The following PDE4D variants were observed in gnomAD, a reference collection of about 807,000 sequenced individuals.
PDE4D encodes the protein 3',5'-cyclic-AMP phosphodiesterase 4D.
In PDE4D, 24 loss-of-function variants were observed where a neutral mutation model predicts 87.4. That is an observed-to-expected ratio of 0.27 (90% CI 0.20 to 0.39). The LOEUF (loss-of-function observed/expected upper bound fraction) is 0.39, where lower values mean the gene tolerates loss of function less well. Ranked by LOEUF, PDE4D falls within the 10% of genes least tolerant of loss-of-function variation. PDE4D has a pLI of 1.00. For synonymous variants in PDE4D, 384 were observed against 383.2 expected, an observed-to-expected ratio of 1.00 and a Z score of -0.02; for missense variants, 714 against 1,041.0, an observed-to-expected ratio of 0.69 and a Z score of 4.32.
At chr5:59,821,213 A>G (rs757858957) in intron 1 of PDE4D, among the ~76,000 whole-genome samples, 16 of 151,630 alleles carry the variant, frequency 1.1e-4, no homozygotes, top group Non-Finnish European at 2.2e-4. Context: ...AGCCTCAGTG[A>G]CAGAGCAAGA....
chr5:59,863,750 A>T (rs74321506), intron 1 of PDE4D, among the ~76,000 whole-genome samples: 3,929 of 152,280 alleles, frequency 0.026, 168 homozygotes, highest in African/African-American at 0.09. Flanking sequence ...TAGTTCCCTA[A>T]GTACCAGATA....
chr5:59,153,355 T>C (rs1779717471), intron 5 of PDE4D, among the ~76,000 whole-genome samples: 1 of 152,198 alleles, frequency 6.6e-6, no homozygotes, highest in African/African-American at 2.4e-5. Flanking sequence ...ATGTAAGTTA[T>C]TTAAAATAAT....
chr5:60,300,329 T>C (rs1315922025), intron 1 of PDE4D, among the ~76,000 whole-genome samples: 1 of 152,222 alleles, frequency 6.6e-6, no homozygotes, highest in African/African-American at 2.4e-5. Flanking sequence ...TTGCAAAAAT[T>C]TTCTCCCATT....
chr5:59,324,344 T>C (rs1042698560), intron 1 of PDE4D, among the ~76,000 whole-genome samples: 46 of 152,116 alleles, frequency 3.0e-4, no homozygotes, highest in Admixed American at 3.9e-4. Flanking sequence ...AATATCCACC[T>C]ACCCTTGCAG....
intron 5 of PDE4D, among the ~76,000 whole-genome samples, chr5:59,082,901 C>T (rs1580706883): frequency 6.6e-6 from 1 of 152,172 alleles, no homozygotes; most frequent in East Asian, 1.9e-4. Flanking sequence ...TCTAGGCCTA[C>T]TACTACACAG....
chr5:59,863,380 AT>A (rs887997409), intron 1 of PDE4D, among the ~76,000 whole-genome samples: 17 of 151,364 alleles, frequency 1.1e-4, no homozygotes, highest in South Asian at 4.2e-4. Flanking sequence ...ATTTCTTACT[AT>A]TTTTTTTTCT....
At chr5:60,315,890 C>T (rs1221860541) in intron 1 of PDE4D, among the ~76,000 whole-genome samples, 1 of 151,978 alleles carries the variant, frequency 6.6e-6, no homozygotes, top group Non-Finnish European at 1.5e-5. Context: ...GTGACTGTAG[C>T]CTTGTAGTAT....
chr5:59,973,773 A>G (rs1761029255), intron 3 of PDE4D, among the ~76,000 whole-genome samples: 1 of 152,164 alleles, frequency 6.6e-6, no homozygotes, highest in South Asian at 2.1e-4. Context: ...GGCACTGTGT[A>G]CATATGATAT....
In PDE4D at chr5:60,356,819, G is replaced by T. The variant is rs1249527789; in HGVS notation, c.-90+131123C>A. 3.9e-5 allele frequency among the ~76,000 whole-genome samples: 6 copies of T among 152,182 alleles called. No individual in the cohort carries two copies. The South Asian group carries it at 1.2e-3, about 32-fold the overall frequency. The stretch of plus-strand genomic sequence containing the variant: ...TGATTAACGGTATATATCACCAGGG[G>T]CCCCATGGCTTGGAAGCACCAGAAG... On this transcript the variant is annotated intron_variant, in intron 1 of 16. Coordinates refer to the PDE4D transcript ENST00000502484.
intron 1 of PDE4D, among the ~76,000 whole-genome samples, chr5:59,395,180 G>C (rs899751316): frequency 1.3e-5 from 2 of 151,932 alleles, no homozygotes; most frequent in African/African-American, 2.4e-5. Flanking sequence ...GTCCAGGCTT[G>C]CTTAGGTAAA....
intron 1 of PDE4D, among the ~76,000 whole-genome samples, chr5:59,859,021 A>T (rs1324059176): frequency 6.6e-6 from 1 of 152,236 alleles, no homozygotes; most frequent in African/African-American, 2.4e-5. Context: ...TGGTAAAGCA[A>T]TAATTCTTGC....
In PDE4D at chr5:60,024,609, T is replaced by C. The variant is rs369195092; in HGVS notation, c.43-35892A>G. Among the ~76,000 whole-genome samples, 9 of 152,258 alleles carry C rather than the reference T, an allele frequency of 5.9e-5. 1 individual carries two copies. The highest frequency in any genetic ancestry group is 1.9e-4 in the African/African-American group (8 of 41,572). ...GGGCATTTGGTGATTTAAGGCATCATGTAACAGTCCCCAAGCACAATTATG... is the reference window on the plus strand; with the variant it reads ...GGGCATTTGGTGATTTAAGGCATCACGTAACAGTCCCCAAGCACAATTATG... On this transcript the variant is annotated intron_variant, in intron 2 of 16. Transcript: ENST00000502484.
chr5:58,989,050 T>C (rs1354681069), intron 10 of PDE4D, among the ~76,000 whole-genome samples: 3 of 152,154 alleles, frequency 2.0e-5, no homozygotes, highest in Non-Finnish European at 2.9e-5. Context: ...CTGTGCATTG[T>C]AGGATTTTTA....
chr5:59,232,827 T>TATAC (rs1755533976), intron 1 of PDE4D, among the ~76,000 whole-genome samples: 1 of 100,010 alleles, frequency 1.0e-5, no homozygotes, highest in Non-Finnish European at 2.1e-5. Flanking sequence ...TATATATATA[T>TATAC]ACACACACAC....
intron 2 of PDE4D, among the ~76,000 whole-genome samples, chr5:60,153,163 C>T (rs1019635707): frequency 2.6e-5 from 4 of 152,012 alleles, no homozygotes; most frequent in African/African-American, 9.7e-5. Flanking sequence ...TATTTGGAAC[C>T]CAAACAACTC....
chr5:59,208,135 C>T (rs1403667004), intron 2 of PDE4D, among the ~76,000 whole-genome samples: 1 of 152,126 alleles, frequency 6.6e-6, no homozygotes, highest in Non-Finnish European at 1.5e-5. Flanking sequence ...CCACTGCACT[C>T]CAACCTGCGC....
chr5:59,224,632 G>C (rs1753337881), intron 1 of PDE4D, among the ~76,000 whole-genome samples: 1 of 152,112 alleles, frequency 6.6e-6, no homozygotes, highest in Non-Finnish European at 1.5e-5. Context: ...ATATGTTGAA[G>C]CCTTAATCAC....
At chr5:59,244,710 GTGTGTGTGTGTGTA>G (rs1210808261) in intron 1 of PDE4D, among the ~76,000 whole-genome samples, 9 of 143,966 alleles carry the variant, frequency 6.3e-5, no homozygotes, top group South Asian at 2.2e-4. Context: ...GTGTGTGTGT[GTGTGTGTGTGTGTA>G]TAGAGAGACC....
chr5:59,273,547 T>C (rs111246252), intron 1 of PDE4D, among the ~76,000 whole-genome samples: 4,780 of 152,132 alleles, frequency 0.031, 270 homozygotes, highest in African/African-American at 0.11. Context: ...TGCAGTGATA[T>C]ACCCAAGCGG....
Sources: gnomAD v4.1 joint callset for allele counts (sites outside exome capture counted in the v4.1 genomes callset) on GRCh38, gnomAD v4.1.1 for gene constraint, MANE v1.5 for transcripts, NCBI Gene and HGNC (gene_info 2026-07-23, HGNC 2026-07-21) for gene names.